The following CDH4 variants were observed in gnomAD, a reference collection of about 807,000 sequenced individuals.
CDH4 encodes cadherin-4.
Under a neutral mutation model 86.0 loss-of-function variants are expected in CDH4, and 33 were observed. The ratio of observed to expected loss-of-function variants is 0.38; its 90% CI spans 0.29 to 0.51. The LOEUF (loss-of-function observed/expected upper bound fraction) is 0.51, where lower values mean the gene tolerates loss of function less well. CDH4 is among the 20% of genes least tolerant of loss of function. The pLI is 0.86. For missense variants in CDH4, 1,114 were observed against 1,307.4 expected (o/e 0.85, Z 2.28); for synonymous variants, 555 against 549.4 (o/e 1.01, Z -0.14).
chr20:61,928,069 C>T, intron 11 of CDH4, 121 bp from the exon 12 acceptor site: 1 of 795,908 alleles, frequency 1.3e-6, no homozygotes, highest in Non-Finnish European at 2.2e-6. Context: ...GGCTGGGGGT[C>T]TGCACATGTG....
intron 2 of CDH4, among the ~76,000 whole-genome samples, chr20:61,564,594 A>G (rs544562871): frequency 6.6e-6 from 1 of 152,314 alleles, no homozygotes; most frequent in South Asian, 2.1e-4. Flanking sequence ...AGGCCCCACC[A>G]GGAGCAGATG....
In CDH4 at chr20:61,786,460, T is replaced by C. The variant is rs867277567; in HGVS notation, c.576+13278T>C. On this transcript the variant is annotated intron_variant, in intron 4 of 15. Coordinates refer to ENST00000614565, the MANE Select transcript of CDH4 (RefSeq NM_001794.5). Reference sequence around the variant, plus strand: ...AGAAAGCAATCATTTTGGACTCTACTGCCCTGGGTTGTGTGGTTTAATTGC... The same window carrying C: ...AGAAAGCAATCATTTTGGACTCTACCGCCCTGGGTTGTGTGGTTTAATTGC... 2.6e-5 allele frequency among the ~76,000 whole-genome samples: 4 copies of C among 152,264 alleles called. No individual in the cohort carries two copies. In the East Asian group the frequency reaches 5.8e-4, roughly 22 times the overall value.
chr20:61,778,208 G>A (rs1978351784), intron 4 of CDH4, among the ~76,000 whole-genome samples: 1 of 152,180 alleles, frequency 6.6e-6, no homozygotes, highest in Non-Finnish European at 1.5e-5. Context: ...TTGTAGGGGA[G>A]ACGGCTCCTG....
intron 2 of CDH4, among the ~76,000 whole-genome samples, chr20:61,549,017 C>A (rs966589962): frequency 6.6e-6 from 1 of 151,410 alleles, no homozygotes; most frequent in Non-Finnish European, 1.5e-5. Context: ...GCCTTTGGGA[C>A]GGAGGGAATG....
At chr20:61,724,685 G>C (rs2088089292) in intron 2 of CDH4, among the ~76,000 whole-genome samples, 1 of 152,158 alleles carries the variant, frequency 6.6e-6, no homozygotes, top group Non-Finnish European at 1.5e-5. Context: ...CTGTCTTGTA[G>C]TCCTTGCCTC....
chr20:61,340,187 C>T (rs1432802840), intron 2 of CDH4, among the ~76,000 whole-genome samples: 1 of 152,094 alleles, frequency 6.6e-6, no homozygotes, highest in Non-Finnish European at 1.5e-5. Flanking sequence ...GGGGAGCTAG[C>T]AAGGGAGAGA....
In CDH4 at chr20:61,649,215, C is replaced by T. The variant is rs1040002503; in HGVS notation, c.170-94348C>T. On this transcript the variant is annotated intron_variant, in intron 2 of 15. Coordinates refer to ENST00000614565, the MANE Select transcript of CDH4 (RefSeq NM_001794.5). Reference sequence around the variant, plus strand: ...TGCCAGATTCCAACTACATCAAGGGCGAAGACCCCACAGGGCCCCCCGAGC... The same window carrying T: ...TGCCAGATTCCAACTACATCAAGGGTGAAGACCCCACAGGGCCCCCCGAGC... Among the ~76,000 whole-genome samples, 10 of 152,228 alleles carry T rather than the reference C, an allele frequency of 6.6e-5. No homozygotes were observed. In the South Asian group the frequency reaches 1.2e-3, roughly 19 times the overall value.
chr20:61,765,099 C>G (rs536541657), intron 3 of CDH4, among the ~76,000 whole-genome samples: 3 of 152,168 alleles, frequency 2.0e-5, no homozygotes, highest in Non-Finnish European at 2.9e-5. Flanking sequence ...GGCCCCCACA[C>G]CCTTCATCTG....
At chr20:61,490,887 C>G (rs902264308) in intron 2 of CDH4, among the ~76,000 whole-genome samples, 19 of 152,138 alleles carry the variant, frequency 1.2e-4, no homozygotes, top group Non-Finnish European at 2.8e-4. Context: ...TCAGGATAAT[C>G]AAAGTGCTGA....
At chr20:61,795,069 A>T (rs980164584) in intron 4 of CDH4, among the ~76,000 whole-genome samples, 7 of 145,308 alleles carry the variant, frequency 4.8e-5, no homozygotes, top group African/African-American at 1.8e-4. Context: ...GATGGTTATA[A>T]TGGTGAGGGT....
chr20:61,618,673 C>T (rs965724987), intron 2 of CDH4, among the ~76,000 whole-genome samples: 5 of 152,182 alleles, frequency 3.3e-5, no homozygotes, highest in African/African-American at 1.2e-4. Flanking sequence ...TCTCAGAGTT[C>T]GCTGTATCAC....
At chr20:61,272,849 ACGCAGTTTGGGAGAGTACCATG>A (rs1568775829) in intron 2 of CDH4, among the ~76,000 whole-genome samples, 4 of 92,598 alleles carry the variant, frequency 4.3e-5, no homozygotes, top group Admixed American at 2.8e-4. Context: ...GGAGCACCAT[ACGCAGTTTGGGAGAGTACCATG>A]CGCAGTTTGG....
intron 2 of CDH4, among the ~76,000 whole-genome samples, chr20:61,527,483 C>G (rs2085919243): frequency 6.6e-6 from 1 of 152,212 alleles, no homozygotes; most frequent in Admixed American, 6.5e-5. Flanking sequence ...CTCCTGACCT[C>G]AATTGATCTA....
intron 2 of CDH4, among the ~76,000 whole-genome samples, chr20:61,504,853 CCGTACA>C (rs1471912946): frequency 6.6e-6 from 1 of 152,196 alleles, no homozygotes; most frequent in African/African-American, 2.4e-5. Context: ...GCTTCCATAC[CCGTACA>C]CGCGTCCTCA....
intron 2 of CDH4, among the ~76,000 whole-genome samples, chr20:61,643,964 A>G (rs1050925934): frequency 2.6e-5 from 4 of 152,276 alleles, no homozygotes; most frequent in African/African-American, 9.6e-5. Context: ...AGGGAGTGGT[A>G]GAATTCAACT....
At chr20:61,849,989 G>A (rs1350481549) in intron 5 of CDH4, among the ~76,000 whole-genome samples, 1 of 152,154 alleles carries the variant, frequency 6.6e-6, no homozygotes, top group Non-Finnish European at 1.5e-5. Context: ...CAGCTCTGTG[G>A]GCTGAGGGTG....
intron 2 of CDH4, among the ~76,000 whole-genome samples, chr20:61,650,943 C>T (rs1182578021): frequency 6.6e-6 from 1 of 152,230 alleles, no homozygotes. Context: ...CCACCCAGGG[C>T]TAACATCGAA....
intron 2 of CDH4, among the ~76,000 whole-genome samples, chr20:61,350,958 G>A (rs868176929): frequency 7.2e-5 from 11 of 152,070 alleles, no homozygotes; most frequent in African/African-American, 2.4e-4. Context: ...AGGCTGAGCC[G>A]GTCTGAAGCA....
In CDH4 at chr20:61,535,411, CT is replaced by C. The variant is rs532593172; in HGVS notation, c.170-208150del. ...CCACGGAACAAGGAAGGGCCTGGCT[CT>C]TGGAAAACCCAGGTCCATTTGTCGA... On this transcript the variant is annotated intron_variant, in intron 2 of 15. Transcript: ENST00000614565. 6.4e-3 allele frequency among the ~76,000 whole-genome samples: 973 copies of C among 152,282 alleles called. 7 individuals are homozygous for C. Among genetic ancestry groups the C allele is most frequent in the South Asian group, 0.017 (80 of 4,826 alleles).
Sources: allele counts gnomAD v4.1 joint callset (sites outside exome capture counted in the v4.1 genomes callset), GRCh38; gene constraint gnomAD v4.1.1; transcripts MANE v1.5; gene names NCBI Gene and HGNC (gene_info 2026-07-23, HGNC 2026-07-21).